The following XPNPEP2 variants were observed in gnomAD, a reference collection of about 807,000 sequenced individuals.
The protein encoded by XPNPEP2 is xaa-Pro aminopeptidase 2.
In XPNPEP2, 64 loss-of-function variants were observed where a neutral mutation model predicts 59.8. The observed-to-expected ratio is 1.07, with a 90% confidence interval of 0.87 to 1.32. The LOEUF (loss-of-function observed/expected upper bound fraction) is 1.32, where lower values mean the gene tolerates loss of function less well. Ranked by LOEUF, XPNPEP2 falls within the 40% of genes most tolerant of loss-of-function variation. XPNPEP2 has a pLI of 0.00. For synonymous variants in XPNPEP2, 235 were observed against 210.0 expected, an observed-to-expected ratio of 1.12 and a Z score of -1.03; for missense variants, 575 against 546.8, an observed-to-expected ratio of 1.05 and a Z score of -0.51.
chrX:129,739,054 A>G lies in XPNPEP2; in HGVS notation c.-160A>G. On this transcript the variant is annotated 5_prime_UTR_variant, in exon 1 of 21. Transcript: ENST00000371106. ...AGCCCTCCAAAACAAAAGACCAGAG[A>G]AGCACTCTCCACCCAGCAGCCAGAC... The G allele has an allele frequency of 3.7e-6, 2 of 534,764 alleles. No individual in the cohort carries two copies. The highest frequency in any genetic ancestry group is 6.2e-6 in the Non-Finnish European group (2 of 321,772). The allele number at this position is 534,764 out of a possible 1,213,427, so 44.1% of individuals were successfully genotyped here.
At chrX:129,747,131 C>T (rs1251748761) in intron 6 of XPNPEP2, among the ~76,000 whole-genome samples, 1 of 111,684 alleles carries the variant, frequency 9.0e-6, no homozygotes, top group Non-Finnish European at 1.9e-5. Flanking sequence ...ATACAACTCC[C>T]GGAGTTCTGG....
chrX:129,744,181 C>A, intron 3 of XPNPEP2, 110 bp downstream of exon 3: 1 of 692,026 alleles, frequency 1.4e-6, no homozygotes, highest in Non-Finnish European at 2.2e-6. Context: ...ATCTGATGGG[C>A]AAAGGGAGGG....
At chrX:129,765,635 C>CTTTTTTTTTTT (rs56014067) in intron 19 of XPNPEP2, among the ~76,000 whole-genome samples, 28 of 67,331 alleles carry the variant, frequency 4.2e-4, no homozygotes, top group East Asian at 1.9e-3. Flanking sequence ...TTCTTTCTTT[C>CTTTTTTTTTTT]TTTTTTTTTT....
chrX:129,740,764 AC>A (rs1926160737), intron 1 of XPNPEP2, among the ~76,000 whole-genome samples: 1 of 109,732 alleles, frequency 9.1e-6, no homozygotes, highest in Admixed American at 9.6e-5. Context: ...ATATAGTGAA[AC>A]CCCCATCTCT....
chrX:129,753,647 A>T (rs1192747301), intron 11 of XPNPEP2, among the ~76,000 whole-genome samples: 1 of 111,279 alleles, frequency 9.0e-6, no homozygotes, highest in Non-Finnish European at 1.9e-5. Context: ...AAAAAGAAAG[A>T]AAGAAAGAAA....
chrX:129,760,499 C>T lies in XPNPEP2; in HGVS notation c.1429-13C>T. 1 of 1,209,072 alleles carries T rather than the reference C, an allele frequency of 8.3e-7. No homozygotes were observed. The highest frequency in any genetic ancestry group is 1.1e-6 in the Non-Finnish European group (1 of 893,564). On this transcript the variant is annotated splice_polypyrimidine_tract_variant and intron_variant, in intron 15 of 20. Coordinates refer to ENST00000371106, the MANE Select transcript of XPNPEP2 (RefSeq NM_003399.6). ...CTCCCGTCCTCCATATCACCTCTTC[C>T]TCTCCCCATCAGGAGGCATACACCC...
At chrX:129,757,546 C>T (rs1379957802) in intron 14 of XPNPEP2, among the ~76,000 whole-genome samples, 3 of 108,160 alleles carry the variant, frequency 2.8e-5, no homozygotes, top group African/African-American at 1.0e-4. Context: ...TGGCTCACAC[C>T]TGTAATCCCA....
chrX:129,767,545 C>G, intron 19 of XPNPEP2, 58 bp from the exon 20 acceptor site: 1 of 1,127,283 alleles, frequency 8.9e-7, no homozygotes, highest in East Asian at 3.0e-5. Context: ...TCCCTTCAGC[C>G]CAGTTCCTCC....
intron 14 of XPNPEP2, among the ~76,000 whole-genome samples, chrX:129,757,800 AAAG>A: frequency 2.0e-5 from 1 of 50,332 alleles, no homozygotes; most frequent in Non-Finnish European, 3.5e-5. Flanking sequence ...TAAAAGGAAG[AAAG>A]AAAGAAAGAA....
chrX:129,739,935 C>T (rs1052437775), intron 1 of XPNPEP2, among the ~76,000 whole-genome samples: 2 of 112,355 alleles, frequency 1.8e-5, no homozygotes, highest in African/African-American at 6.5e-5. Context: ...GCCCAGCGCT[C>T]CCACCCTAGC....
At chrX:129,745,490 C>T (rs1163202833) in intron 4 of XPNPEP2, among the ~76,000 whole-genome samples, 1 of 111,632 alleles carries the variant, frequency 9.0e-6, no homozygotes, top group Non-Finnish European at 1.9e-5. Flanking sequence ...GAGGCAGAGG[C>T]TGCCTTCCTG....
chrX:129,754,900 C>T (rs940704224), intron 12 of XPNPEP2, among the ~76,000 whole-genome samples: 2 of 111,375 alleles, frequency 1.8e-5, no homozygotes, highest in Non-Finnish European at 3.8e-5. Flanking sequence ...CCAGGTCAGC[C>T]CCTGGACCAC....
intron 14 of XPNPEP2, among the ~76,000 whole-genome samples, chrX:129,757,726 C>T (rs984554549): frequency 1.9e-5 from 2 of 102,690 alleles, no homozygotes; most frequent in Middle Eastern, 4.7e-3. Context: ...ACCCGGGAGG[C>T]GGAGGTTGCA....
Position 129,756,508 on chromosome X carries a change from G to A in XPNPEP2, c.1320G>A (p.Lys440=), listed in dbSNP as rs148195997. The change falls in exon 14 of 21, where the codon AAG becomes AAA. Residue 440 remains lysine (K), a synonymous_variant. Transcript: ENST00000371106. ...HYSPTKELNR[K]LSSDEMYLLD... is the part of the protein sequence containing the mutation. ...GCCCGACCAAGGAGCTGAACCGCAA[G>A]CTGTCCTCAGATGAGATGTACCTGC... The A allele has an allele frequency of 3.3e-6, 4 of 1,209,611 alleles. No homozygotes were observed. Among genetic ancestry groups the A allele is most frequent in the Non-Finnish European group, 4.5e-6 (4 of 895,071 alleles).
At position 129,742,103 on chromosome X, in the gene XPNPEP2, T is replaced by G; in HGVS notation, c.50-5T>G. On this transcript the variant is annotated splice_region_variant and splice_polypyrimidine_tract_variant and intron_variant, in intron 1 of 20. Transcript: ENST00000371106. ...ATGACCCTGGATTTTTCTCCCGGCT[T>G]CTAGCTTGTGCCTGGGGCCACACAA... 3 of 1,208,824 alleles carry G rather than the reference T, an allele frequency of 2.5e-6. No individual in the cohort carries two copies. The highest frequency in any genetic ancestry group is 3.4e-6 in the Non-Finnish European group (3 of 893,423).
At chrX:129,744,274 T>C (rs1322253414) in intron 3 of XPNPEP2, among the ~76,000 whole-genome samples, 1 of 112,019 alleles carries the variant, frequency 8.9e-6, no homozygotes, top group Admixed American at 9.4e-5. Flanking sequence ...TTGCCAAACC[T>C]CCTTAACCTC....
intron 1 of XPNPEP2, among the ~76,000 whole-genome samples, chrX:129,741,555 C>G (rs748265572): frequency 7.4e-4 from 83 of 111,973 alleles, no homozygotes; most frequent in African/African-American, 2.6e-3. Context: ...CTAATTAATC[C>G]ATCTTTCCCC....
intron 11 of XPNPEP2, 35 bp from the exon 12 acceptor site, chrX:129,754,437 C>A (rs41300287): frequency 1.1e-5 from 13 of 1,137,376 alleles, no homozygotes; most frequent in Non-Finnish European, 1.5e-5. Context: ...CAGACCTCAC[C>A]CGGCTCCTCT....
In XPNPEP2 at chrX:129,752,229, C is replaced by G; in HGVS notation, c.901C>G (p.Gln301Glu). ...NSSCTGPMCV[Q>E]IEDYSQVRDS... The stretch of plus-strand genomic sequence containing the variant: ...CAGTTGCACAGGCCCCATGTGTGTG[C>G]AAATCGAGGATTACAGCCAAGTTCG... The change falls in exon 10 of 21, where the codon CAA becomes GAA. Residue 301 changes from glutamine to glutamate, a missense_variant. Coordinates refer to ENST00000371106, the MANE Select transcript of XPNPEP2 (RefSeq NM_003399.6). 8.3e-7 allele frequency: 1 copy of G among 1,211,722 alleles called. No individual in the cohort carries two copies. The highest frequency in any genetic ancestry group is 1.1e-6 in the Non-Finnish European group (1 of 895,482).
Sources: allele counts gnomAD v4.1 joint callset (sites outside exome capture counted in the v4.1 genomes callset), GRCh38; gene constraint gnomAD v4.1.1; transcripts MANE v1.5; gene names NCBI Gene and HGNC (gene_info 2026-07-23, HGNC 2026-07-21).